The following TENM4 variants were observed in gnomAD, a reference collection of about 807,000 sequenced individuals.
TENM4 encodes the protein teneurin transmembrane protein 4, also known as teneurin-4.
In TENM4, 82 loss-of-function variants were observed where a neutral mutation model predicts 243.3. The observed-to-expected ratio is 0.34, with a 90% CI of 0.28 to 0.40. TENM4 has a LOEUF of 0.40. Among genes scored for constraint, TENM4 ranks in the 10% least tolerant of loss-of-function variants. The pLI, the probability that TENM4 is intolerant of heterozygous loss-of-function variation, is 1.00. For missense variants in TENM4, 3,138 were observed against 3,673.3 expected, an observed-to-expected ratio of 0.85 and a Z score of 3.77; for synonymous variants, 1,412 against 1,456.3, an observed-to-expected ratio of 0.97 and a Z score of 0.69.
At chr11:79,246,115 A>G (rs1855511309) in intron 2 of TENM4, among the ~76,000 whole-genome samples, 1 of 152,074 alleles carries the variant, frequency 6.6e-6, no homozygotes. Flanking sequence ...TGAAAGGGGA[A>G]ATGAGGGGGC....
Position 79,215,826 on chromosome 11 carries a change from G to T in TENM4, c.-181C>A. On this transcript the variant is annotated 5_prime_UTR_variant, in exon 3 of 34. Transcript: ENST00000278550. ...GACTGACCTGGCTCCATGTCAGCAC[G>T]TTCTGAAGAGTCAGCAATGTCCGTG... The T allele has an allele frequency of 1.0e-6, 1 of 985,850 alleles. No individual in the cohort carries two copies. Among genetic ancestry groups the T allele is most frequent in the Non-Finnish European group, 1.2e-6 (1 of 829,958 alleles). 61.1% of individuals were successfully genotyped at this position (985,850 alleles called of 1,614,324 possible).
intron 2 of TENM4, among the ~76,000 whole-genome samples, chr11:79,288,198 G>T (rs898875981): frequency 1.3e-5 from 2 of 152,218 alleles, no homozygotes; most frequent in Non-Finnish European, 2.9e-5. Context: ...TTTATCAAAA[G>T]CCATAACCAG....
intron 1 of TENM4, among the ~76,000 whole-genome samples, chr11:79,391,128 G>A (rs539597438): frequency 5.9e-5 from 9 of 152,186 alleles, no homozygotes; most frequent in Non-Finnish European, 1.2e-4. Context: ...TCTAAAAATA[G>A]TTGCCACCTG....
chr11:79,194,633 G>A (rs1863583736), intron 3 of TENM4, among the ~76,000 whole-genome samples: 1 of 152,160 alleles, frequency 6.6e-6, no homozygotes, highest in East Asian at 1.9e-4. Context: ...TGAGAGAGAT[G>A]ATTTAGGGTA....
In TENM4 at chr11:79,243,872, C is replaced by T. The variant is rs538320230; in HGVS notation, c.-264-27963G>A. ...TCAGGACCAGAGGTGGCCCATGTCC[C>T]GCGGTGCCTACAGCAGTGTTCCTCA... On this transcript the variant is annotated intron_variant, in intron 2 of 33. Coordinates refer to ENST00000278550, the MANE Select transcript of TENM4 (RefSeq NM_001098816.3). 2.0e-3 allele frequency among the ~76,000 whole-genome samples: 299 copies of T among 152,300 alleles called. 1 individual carries two copies. The highest frequency in any genetic ancestry group is 6.5e-3 in the African/African-American group (269 of 41,560).
intron 1 of TENM4, among the ~76,000 whole-genome samples, chr11:79,414,868 G>A (rs1007302993): frequency 6.6e-6 from 1 of 152,080 alleles, no homozygotes; most frequent in Non-Finnish European, 1.5e-5. Flanking sequence ...CCTAAAACTC[G>A]GGCAGAAAAC....
At position 79,104,866 on chromosome 11, in the gene TENM4, C is replaced by T. The variant is rs540250025; in HGVS notation, c.-65-34857G>A. On this transcript the variant is annotated intron_variant, in intron 4 of 33. Transcript: ENST00000278550. The stretch of plus-strand genomic sequence containing the variant: ...TTGAGAAGGAGATAGGAGGTGGGCT[C>T]ATCTCCATCCCTTGGGCAAATACTG... Among the ~76,000 whole-genome samples the T allele has an allele frequency of 9.8e-5, 15 of 152,328 alleles. No homozygotes were observed. In the South Asian group the frequency reaches 1.2e-3, roughly 13 times the overall value.
intron 8 of TENM4, among the ~76,000 whole-genome samples, chr11:78,890,844 G>A (rs976062512): frequency 6.6e-6 from 1 of 152,188 alleles, no homozygotes; most frequent in Admixed American, 6.5e-5. Context: ...GAAATGGAGT[G>A]TGCTGGTTGC....
intron 1 of TENM4, among the ~76,000 whole-genome samples, chr11:79,355,325 G>A (rs1444372478): frequency 6.6e-6 from 1 of 152,136 alleles, no homozygotes; most frequent in Non-Finnish European, 1.5e-5. Flanking sequence ...CTGAGGTCAG[G>A]AGTTCAAGAC....
intron 9 of TENM4, among the ~76,000 whole-genome samples, chr11:78,864,633 C>T (rs1858917935): frequency 2.6e-5 from 4 of 152,064 alleles, no homozygotes; most frequent in African/African-American, 9.7e-5. Flanking sequence ...CTGCTTAAAT[C>T]CCATTTTAGG....
chr11:79,073,002 T>C (rs1245841793), intron 4 of TENM4, among the ~76,000 whole-genome samples: 1 of 152,186 alleles, frequency 6.6e-6, no homozygotes. Flanking sequence ...CCCTGTGATA[T>C]AGGTATTATG....
Position 78,922,019 on chromosome 11 carries a change from G to T in TENM4, c.494-18496C>A, listed in dbSNP as rs114563312. On this transcript the variant is annotated intron_variant, in intron 6 of 33. Coordinates refer to ENST00000278550, the MANE Select transcript of TENM4 (RefSeq NM_001098816.3). ...CCTAACCAGATGCAGTGTGGGAACT[G>T]CTGGCACCCAGGCTGTATATTGAAT... Among the ~76,000 whole-genome samples the T allele has an allele frequency of 1.9e-3, 287 of 152,362 alleles. 2 individuals carry two copies. Among genetic ancestry groups the T allele is most frequent in the African/African-American group, 6.6e-3 (276 of 41,590 alleles).
At chr11:78,932,938 G>A (rs1045465057) in intron 6 of TENM4, among the ~76,000 whole-genome samples, 10 of 152,176 alleles carry the variant, frequency 6.6e-5, no homozygotes. Context: ...GTCCGGTACA[G>A]GTTCGCGGCC....
chr11:79,330,336 C>T (rs1005783462), intron 1 of TENM4, among the ~76,000 whole-genome samples: 8 of 152,068 alleles, frequency 5.3e-5, no homozygotes, highest in Admixed American at 3.9e-4. Flanking sequence ...TTGAGTGATG[C>T]GAAGCACAGA....
chr11:79,155,363 TTTTTTTGGC>T (rs1800569698), intron 3 of TENM4, among the ~76,000 whole-genome samples: 1 of 152,000 alleles, frequency 6.6e-6, no homozygotes, highest in African/African-American at 2.4e-5. Context: ...CTCTTTTTTT[TTTTTTTGGC>T]TTGAAATAAA....
chr11:78,889,713 C>T, intron 9 of TENM4, 72 bp downstream of exon 9: 1 of 1,468,028 alleles, frequency 6.8e-7, no homozygotes. Flanking sequence ...GCCTTCAGTG[C>T]CCACACGTGT....
At chr11:79,343,050 G>A (rs971280095) in intron 1 of TENM4, among the ~76,000 whole-genome samples, 2 of 152,198 alleles carry the variant, frequency 1.3e-5, no homozygotes, top group Non-Finnish European at 2.9e-5. Context: ...GTGGGCTTCC[G>A]AGGCACTGGC....
chr11:78,871,049 C>G (rs914744067), intron 9 of TENM4, among the ~76,000 whole-genome samples: 12 of 152,180 alleles, frequency 7.9e-5, no homozygotes. Context: ...GCCCAGTTAT[C>G]TGACCTCTCC....
chr11:78,976,646 A>C (rs1857661898), intron 6 of TENM4, among the ~76,000 whole-genome samples: 1 of 152,140 alleles, frequency 6.6e-6, no homozygotes, highest in African/African-American at 2.4e-5. Flanking sequence ...CTCTACTGTC[A>C]CTCCAAGAAA....
Sources: allele counts gnomAD v4.1 joint callset (sites outside exome capture counted in the v4.1 genomes callset), GRCh38; gene constraint gnomAD v4.1.1; transcripts MANE v1.5; gene names NCBI Gene and HGNC (gene_info 2026-07-23, HGNC 2026-07-21).